The following ARHGAP6 variants were observed in gnomAD, a reference collection of about 807,000 sequenced individuals.
ARHGAP6 encodes Rho GTPase activating protein 6.
A neutral mutation model predicts 55.7 loss-of-function variants in ARHGAP6; 16 were observed. The ratio of observed to expected loss-of-function variants is 0.29; its 90% CI spans 0.19 to 0.44. The LOEUF (loss-of-function observed/expected upper bound fraction) is 0.44. Ranked by LOEUF, ARHGAP6 falls within the 20% of genes least tolerant of loss-of-function variation. The probability of loss-of-function intolerance (pLI) is 1.00; values close to 1 mark genes in which losing one functional copy is unlikely to be tolerated. For synonymous variants in ARHGAP6, 382 were observed against 360.9 expected, an observed-to-expected ratio of 1.06 and a Z score of -0.66; for missense variants, 698 against 808.9, an observed-to-expected ratio of 0.86 and a Z score of 1.66.
intron 11 of ARHGAP6, 194 bp downstream of exon 11, chrX:11,143,786 A>G (rs1242725280): frequency 4.4e-6 from 5 of 1,142,664 alleles, no homozygotes; most frequent in Non-Finnish European, 5.8e-6. Context: ...CTCCCAGCCA[A>G]CGACTGGGCT....
intron 1 of ARHGAP6, among the ~76,000 whole-genome samples, chrX:11,281,191 G>C (rs5934989): frequency 0.29 from 32,362 of 110,285 alleles, 3,905 homozygotes; most frequent in African/African-American, 0.45. Flanking sequence ...TAGGATACCA[G>C]TAATGTAATC....
chrX:11,366,942 T>C (rs1285975412), intron 1 of ARHGAP6, among the ~76,000 whole-genome samples: 3 of 111,274 alleles, frequency 2.7e-5, no homozygotes, highest in African/African-American at 9.9e-5. Context: ...GATGGAAGTA[T>C]GTTTAAGGAG....
chrX:11,581,074 T>C (rs999946165), intron 1 of ARHGAP6, among the ~76,000 whole-genome samples: 2 of 112,160 alleles, frequency 1.8e-5, no homozygotes, highest in African/African-American at 6.5e-5. Context: ...TTACCAGTGT[T>C]ACAACTTAAT....
chrX:11,143,953 A>G, intron 11 of ARHGAP6, 27 bp downstream of exon 11: 1 of 1,212,087 alleles, frequency 8.3e-7, no homozygotes, highest in Non-Finnish European at 1.1e-6. Flanking sequence ...TGTTTTGGCC[A>G]GCGCCTGCTG....
chrX:11,142,185 A>G lies in ARHGAP6; in HGVS notation c.2257+48T>C, dbSNP rs181090312. 6.4e-6 allele frequency: 6 copies of G among 940,749 alleles called. No individual in the cohort carries two copies. In the Admixed American group the frequency reaches 1.1e-4, roughly 17 times the overall value. 77.5% of individuals were successfully genotyped at this position (940,749 alleles called of 1,213,427 possible). The stretch of plus-strand genomic sequence containing the variant: ...TAATGATAGTAAAGAAAACTTTAGA[A>G]AATAATTTTAAAAGTAAATGCAATA... On this transcript the variant is annotated intron_variant, in intron 12 of 12. Coordinates refer to ENST00000337414, the MANE Select transcript of ARHGAP6 (RefSeq NM_013427.3).
intron 1 of ARHGAP6, among the ~76,000 whole-genome samples, chrX:11,255,148 A>G (rs1308756579): frequency 8.9e-6 from 1 of 111,951 alleles, no homozygotes; most frequent in Non-Finnish European, 1.9e-5. Context: ...AAAATTGGCA[A>G]ATAAAAATCG....
At chrX:11,224,305 A>G (rs777469256) in intron 2 of ARHGAP6, 19 of 357,888 alleles carry the variant, frequency 5.3e-5, no homozygotes, top group Admixed American at 1.2e-4. Context: ...GTGAGCAGAA[A>G]GATGAAGAAG....
At chrX:11,398,162 T>C (rs146142967) in intron 1 of ARHGAP6, among the ~76,000 whole-genome samples, 1,492 of 107,993 alleles carry the variant, frequency 0.014, 25 homozygotes, top group African/African-American at 0.048. Flanking sequence ...ATGGGGATAA[T>C]AATTGTATAT....
chrX:11,472,232 AC>A (rs2050354502), intron 1 of ARHGAP6, among the ~76,000 whole-genome samples: 1 of 111,436 alleles, frequency 9.0e-6, no homozygotes, highest in Non-Finnish European at 1.9e-5. Context: ...AGCACCCTCC[AC>A]CCCAGTTGTA....
chrX:11,249,813 A>AT (rs202164200), intron 2 of ARHGAP6, among the ~76,000 whole-genome samples: 2,835 of 111,926 alleles, frequency 0.025, 38 homozygotes, highest in Middle Eastern at 0.078. Flanking sequence ...AGATAATTCT[A>AT]TTTTTTTAAA....
chrX:11,314,957 T>A (rs1393765978), intron 1 of ARHGAP6, among the ~76,000 whole-genome samples: 2 of 112,244 alleles, frequency 1.8e-5, no homozygotes, highest in African/African-American at 6.5e-5. Flanking sequence ...AGAGAAAACA[T>A]AAAAATATTG....
intron 1 of ARHGAP6, among the ~76,000 whole-genome samples, chrX:11,389,700 T>A (rs1324381252): frequency 8.9e-6 from 1 of 112,659 alleles, no homozygotes; most frequent in Non-Finnish European, 1.9e-5. Flanking sequence ...TACAATTATA[T>A]AAATTTCTTC....
chrX:11,619,744 C>A (rs1292979832), intron 1 of ARHGAP6, among the ~76,000 whole-genome samples: 3 of 112,093 alleles, frequency 2.7e-5, no homozygotes, highest in South Asian at 3.7e-4. Context: ...CAGTTGTCCT[C>A]CCCGCTTTCC....
intron 1 of ARHGAP6, among the ~76,000 whole-genome samples, chrX:11,444,661 T>C (rs1004203524): frequency 8.9e-6 from 1 of 112,156 alleles, no homozygotes; most frequent in African/African-American, 3.2e-5. Flanking sequence ...CATGATTATC[T>C]TACCTTCATT....
intron 1 of ARHGAP6, among the ~76,000 whole-genome samples, chrX:11,364,999 AAGG>A (rs1177137445): frequency 9.0e-6 from 1 of 111,532 alleles, no homozygotes; most frequent in Non-Finnish European, 1.9e-5. Flanking sequence ...GGGGAAATGC[AAGG>A]AGAAGGGGAG....
chrX:11,224,221 A>G (rs939561549), intron 2 of ARHGAP6: 8 of 126,163 alleles, frequency 6.3e-5, no homozygotes, highest in African/African-American at 2.6e-4. Context: ...GCCCTTGAAG[A>G]ATACATCACA....
intron 1 of ARHGAP6, among the ~76,000 whole-genome samples, chrX:11,649,918 TTTAA>T (rs1472289828): frequency 1.8e-5 from 2 of 110,997 alleles, no homozygotes; most frequent in South Asian, 3.8e-4. Flanking sequence ...CATAGAAACA[TTTAA>T]TTAATTAATT....
chrX:11,584,306 T>C (rs766070393), intron 1 of ARHGAP6, among the ~76,000 whole-genome samples: 2 of 112,160 alleles, frequency 1.8e-5, no homozygotes, highest in African/African-American at 6.5e-5. Flanking sequence ...GTTACAGAAG[T>C]GAAAAACTGT....
intron 1 of ARHGAP6, among the ~76,000 whole-genome samples, chrX:11,457,214 T>A (rs2050201539): frequency 9.0e-6 from 1 of 111,554 alleles, no homozygotes; most frequent in Non-Finnish European, 1.9e-5. Flanking sequence ...GAGTCCAAGA[T>A]CAAGGACAAT....
Sources: gnomAD v4.1 joint callset for allele counts (sites outside exome capture counted in the v4.1 genomes callset) on GRCh38, gnomAD v4.1.1 for gene constraint, MANE v1.5 for transcripts, NCBI Gene and HGNC (gene_info 2026-07-23, HGNC 2026-07-21) for gene names.